DLC1: variants seen among roughly 807,000 people sequenced by gnomAD.
The protein encoded by DLC1 is DLC1 Rho GTPase activating protein.
In DLC1, 54 loss-of-function variants were observed where a neutral mutation model predicts 140.3. That is an observed-to-expected ratio of 0.38 (90% CI 0.31 to 0.48). The LOEUF is 0.48. DLC1 is among the 20% of genes least tolerant of loss of function. The pLI, the probability that DLC1 is intolerant of heterozygous loss-of-function variation, is 0.96. For synonymous variants in DLC1, 986 were observed against 728.1 expected (o/e 1.35, Z -5.70); for missense variants, 2,536 against 1,907.0 (o/e 1.33, Z -6.14).
intron 4 of DLC1, 150 bp downstream of exon 4, chr8:13,393,403 G>A: frequency 4.7e-6 from 4 of 848,924 alleles, no homozygotes; most frequent in Non-Finnish European, 6.7e-6. Context: ...ATTTTTCTAG[G>A]GTTGTACTTA....
intron 2 of DLC1, among the ~76,000 whole-genome samples, chr8:13,416,677 G>A (rs1041159663): frequency 1.4e-4 from 21 of 152,154 alleles, no homozygotes; most frequent in African/African-American, 4.8e-4. Context: ...CAGGTGGTGG[G>A]TACATAGGGT....
rs1402015450 is a variant in DLC1, at chr8:13,084,220, C to T, written c.*1591G>A. 1.3e-5 allele frequency: 2 copies of T among 152,516 alleles called. No individual in the cohort carries two copies. The highest frequency in any genetic ancestry group is 2.4e-5 in the African/African-American group (1 of 41,408). The allele number at this position is 152,516 out of a possible 1,614,324, so 9.4% of individuals were successfully genotyped here. On this transcript the variant is annotated 3_prime_UTR_variant, in exon 18 of 18. Coordinates refer to ENST00000276297, the MANE Select transcript of DLC1 (RefSeq NM_182643.3). ...ACATACAATCTTACAAATCTGGAAG[C>T]CATCAAAATTGAATATCCATGTATA...
intron 5 of DLC1, among the ~76,000 whole-genome samples, chr8:13,153,527 C>G (rs1363107250): frequency 3.9e-5 from 6 of 152,222 alleles, no homozygotes; most frequent in African/African-American, 1.2e-4. Flanking sequence ...CTGGCTCCAG[C>G]AGCCTGCTCT....
rs182152267 is a variant in DLC1 at position 13,520,311 on chromosome 8, A to T, written c.-125-20115T>A. On this transcript the variant is annotated intron_variant, in intron 1 of 1. Transcript: ENST00000631382. The stretch of plus-strand genomic sequence containing the variant: ...TGCAGCCATAAAAGAGGAAGAGTTC[A>T]TGCCCTTTGCAGGGACATGGATGAA... Among the ~76,000 whole-genome samples the T allele has an allele frequency of 5.6e-4, 85 of 152,354 alleles. 1 individual carries two copies. The Middle Eastern group carries it at 0.014, about 24-fold the overall frequency.
chr8:13,313,904 C>T (rs1007787005), intron 4 of DLC1, among the ~76,000 whole-genome samples: 7 of 152,030 alleles, frequency 4.6e-5, no homozygotes, highest in African/African-American at 1.5e-4. Context: ...ACTAGGTGGG[C>T]CTATTCTTTG....
chr8:13,174,325 T>C (rs1252890125), intron 5 of DLC1, among the ~76,000 whole-genome samples: 2 of 152,250 alleles, frequency 1.3e-5, no homozygotes, highest in Admixed American at 6.5e-5. Context: ...GTTATGAACA[T>C]ACAAGTGCAT....
At position 13,183,543 on chromosome 8, in the gene DLC1, T is replaced by G. The variant is rs140213595; in HGVS notation, c.1349-67886A>C. ...AGCATGAAGGGCTGTTGAATTTTGT[T>G]GAAGGCCTTTTCTGCATCTATTGAG... On this transcript the variant is annotated intron_variant, in intron 5 of 17. Coordinates refer to ENST00000276297, the MANE Select transcript of DLC1 (RefSeq NM_182643.3). 9.4e-3 allele frequency among the ~76,000 whole-genome samples: 1,437 copies of G among 152,314 alleles called. 25 individuals carry two copies. Among genetic ancestry groups the G allele is most frequent in the African/African-American group, 0.032 (1,344 of 41,572 alleles).
At chr8:13,474,659 G>C (rs965741515) in intron 2 of DLC1, among the ~76,000 whole-genome samples, 3 of 152,212 alleles carry the variant, frequency 2.0e-5, no homozygotes, top group Non-Finnish European at 4.4e-5. Flanking sequence ...AGCCACTCAA[G>C]ATCATAGGAA....
chr8:13,221,024 C>T, intron 5 of DLC1, among the ~76,000 whole-genome samples: 1 of 152,080 alleles, frequency 6.6e-6, no homozygotes, highest in East Asian at 1.9e-4. Context: ...AGGCTTCTGC[C>T]AAGGGGGTAC....
At chr8:13,568,445 A>C (rs983787742) in intron 1 of DLC1, among the ~76,000 whole-genome samples, 3 of 152,178 alleles carry the variant, frequency 2.0e-5, no homozygotes, top group Non-Finnish European at 4.4e-5. Flanking sequence ...TTGAAGAAAC[A>C]TTTGATTATT....
chr8:13,604,324 A>G (rs1805978467), intron 1 of DLC1, among the ~76,000 whole-genome samples: 3 of 152,168 alleles, frequency 2.0e-5, no homozygotes, highest in Non-Finnish European at 4.4e-5. Flanking sequence ...TATAGTTTCA[A>G]TCAATGTCAG....
At chr8:13,314,547 A>G (rs190964092) in intron 4 of DLC1, among the ~76,000 whole-genome samples, 60 of 152,192 alleles carry the variant, frequency 3.9e-4, no homozygotes, top group African/African-American at 1.4e-3. Flanking sequence ...GTTAATTACT[A>G]CCAATTATAT....
intron 5 of DLC1, among the ~76,000 whole-genome samples, chr8:13,155,249 C>G (rs1824166021): frequency 6.6e-6 from 1 of 151,124 alleles, no homozygotes; most frequent in Non-Finnish European, 1.5e-5. Flanking sequence ...AACTAGTCTT[C>G]TGTTGATGGT....
At chr8:13,379,029 A>T (rs578210893) in intron 4 of DLC1, among the ~76,000 whole-genome samples, 2 of 152,220 alleles carry the variant, frequency 1.3e-5, no homozygotes, top group African/African-American at 2.4e-5. Flanking sequence ...TCAGATATGC[A>T]ATAAATGTTT....
chr8:13,198,432 A>G (rs1432357182), intron 5 of DLC1, among the ~76,000 whole-genome samples: 1 of 152,278 alleles, frequency 6.6e-6, no homozygotes, highest in East Asian at 1.9e-4. Context: ...TCGTAGAGTC[A>G]TTTCAGGACA....
chr8:13,374,570 G>A (rs1394979863), intron 4 of DLC1, among the ~76,000 whole-genome samples: 1 of 152,144 alleles, frequency 6.6e-6, no homozygotes, highest in African/African-American at 2.4e-5. Context: ...GGATCATGAG[G>A]TCAGGAGTTT....
chr8:13,603,943 C>CAA (rs1805967276), intron 1 of DLC1, among the ~76,000 whole-genome samples: 1 of 151,958 alleles, frequency 6.6e-6, no homozygotes, highest in African/African-American at 2.4e-5. Flanking sequence ...GGTACATTAG[C>CAA]TAATTGTCAG....
chr8:13,486,612 T>C (rs2117142483), intron 2 of DLC1, among the ~76,000 whole-genome samples: 1 of 152,352 alleles, frequency 6.6e-6, no homozygotes, highest in Non-Finnish European at 1.5e-5. Flanking sequence ...CCACACATTT[T>C]ATTTTAGTTC....
At chr8:13,276,461 C>G in intron 5 of DLC1, 1 of 1,361,212 alleles carries the variant, frequency 7.3e-7, no homozygotes, top group Non-Finnish European at 9.4e-7. Context: ...TACTCCGCCC[C>G]GCGCTGTGCT....
Sources: gnomAD v4.1 joint callset for allele counts (sites outside exome capture counted in the v4.1 genomes callset) on GRCh38, gnomAD v4.1.1 for gene constraint, MANE v1.5 for transcripts, NCBI Gene and HGNC (gene_info 2026-07-23, HGNC 2026-07-21) for gene names.